PDS5A: variants seen among roughly 807,000 people sequenced by gnomAD.
PDS5A encodes the protein sister chromatid cohesion protein PDS5 homolog A.
PDS5A carries 42 observed loss-of-function variants against 167.1 expected under a neutral mutation model. The observed-to-expected ratio is 0.25, with a 90% CI of 0.20 to 0.33. PDS5A has a LOEUF of 0.33. Ranked by LOEUF, PDS5A falls within the 10% of genes least tolerant of loss-of-function variation. The pLI, the probability that PDS5A is intolerant of heterozygous loss-of-function variation, is 1.00. For missense variants in PDS5A, 1,033 were observed against 1,605.9 expected (o/e 0.64, Z 6.10); for synonymous variants, 553 against 554.6 (o/e 1.00, Z 0.04).
chr4:39,833,690 G>A (rs1298049858), intron 32 of PDS5A, among the ~76,000 whole-genome samples: 2 of 152,056 alleles, frequency 1.3e-5, no homozygotes, highest in East Asian at 1.9e-4. Context: ...ATGACCAGCT[G>A]GATAAATTGT....
chr4:39,973,188 G>C, intron 2 of PDS5A: 1 of 1,024,904 alleles, frequency 9.8e-7, no homozygotes, highest in South Asian at 1.3e-5. Context: ...CTTTAGCTTG[G>C]TGGGCTTGTA....
chr4:39,872,605 C>T (rs573543376), intron 21 of PDS5A, among the ~76,000 whole-genome samples: 2 of 152,206 alleles, frequency 1.3e-5, no homozygotes, highest in East Asian at 3.9e-4. Context: ...GAGCCGAGAT[C>T]GTGCCACTGC....
Position 39,976,447 on chromosome 4 carries a change from C to G in PDS5A, c.131G>C (p.Arg44Pro). ...ATCCGTCCAGACACTTACCTTCAGG[C>G]GTTTGATCATCTCGTCCGTGGTGAT... ...DKITTDEMIK[R>P]LKMVVKTFMD... Residue 44 changes from arginine to proline, a missense_variant, in exon 2 of 33, where the codon CGC becomes CCC. This residue lies in a region of PDS5A where 388 missense variants were observed against 615.1 expected (regional missense o/e 0.63). Transcript: ENST00000303538. 6.2e-7 allele frequency: 1 copy of G among 1,612,344 alleles called. No homozygotes were observed. The highest frequency in any genetic ancestry group is 8.5e-7 in the Non-Finnish European group (1 of 1,178,662).
chr4:39,942,590 C>T (rs1727326752), intron 2 of PDS5A, among the ~76,000 whole-genome samples: 1 of 152,098 alleles, frequency 6.6e-6, no homozygotes, highest in Non-Finnish European at 1.5e-5. Context: ...CCACACTCAC[C>T]TAATTTTCGT....
intron 31 of PDS5A, among the ~76,000 whole-genome samples, chr4:39,839,676 G>A (rs1716767543): frequency 7.1e-6 from 1 of 141,704 alleles, no homozygotes; most frequent in Non-Finnish European, 1.5e-5. Flanking sequence ...GTACCCAAGG[G>A]TAATATCTAA....
Position 39,854,195 on chromosome 4 carries a change from C to T in PDS5A, c.3087-4543G>A, listed in dbSNP as rs149486974. Among the ~76,000 whole-genome samples, 120 of 152,200 alleles carry T rather than the reference C, an allele frequency of 7.9e-4. No individual in the cohort carries two copies. The East Asian group carries it at 0.018, about 23-fold the overall frequency. On this transcript the variant is annotated intron_variant, in intron 26 of 32. Transcript: ENST00000303538. ...GTGCATGCCTGTAGTCCCAGCTACT[C>T]GGGATGCTAAGGCAGGAGAATCACT... is the stretch of plus-strand genomic sequence containing the variant.
chr4:39,905,574 AC>A (rs1259957651), intron 11 of PDS5A, among the ~76,000 whole-genome samples: 1 of 152,074 alleles, frequency 6.6e-6, no homozygotes, highest in Non-Finnish European at 1.5e-5. Flanking sequence ...AAAACAAAAA[AC>A]AAAAAACTGA....
At chr4:39,938,163 A>AC (rs1203437698) in intron 2 of PDS5A, among the ~76,000 whole-genome samples, 1 of 152,130 alleles carries the variant, frequency 6.6e-6, no homozygotes, top group African/African-American at 2.4e-5. Flanking sequence ...ATGTTATCTG[A>AC]CCACTTGGCA....
intron 21 of PDS5A, among the ~76,000 whole-genome samples, chr4:39,870,449 T>G (rs551625327): frequency 3.1e-4 from 47 of 152,018 alleles, no homozygotes; most frequent in Non-Finnish European, 5.6e-4. Context: ...TAGCCAGGCA[T>G]GGTGGCGTGT....
At chr4:39,861,252 A>C (rs1718968490) in intron 26 of PDS5A, among the ~76,000 whole-genome samples, 1 of 151,912 alleles carries the variant, frequency 6.6e-6, no homozygotes, top group Admixed American at 6.6e-5. Context: ...CAAGGTCAGG[A>C]GAGCAGCCTG....
intron 30 of PDS5A, among the ~76,000 whole-genome samples, chr4:39,844,335 C>T (rs894039799): frequency 2.0e-5 from 3 of 151,490 alleles, no homozygotes; most frequent in South Asian, 2.1e-4. Context: ...ATTAGCGGGG[C>T]GTGGTGGCAG....
chr4:39,914,287 G>A (rs1724158624), intron 8 of PDS5A, among the ~76,000 whole-genome samples: 1 of 150,224 alleles, frequency 6.7e-6, no homozygotes, highest in Non-Finnish European at 1.5e-5. Flanking sequence ...TCAGCCTCTC[G>A]AGTAGCTGGG....
intron 22 of PDS5A, among the ~76,000 whole-genome samples, chr4:39,867,199 A>G (rs554616799): frequency 6.6e-6 from 1 of 152,270 alleles, no homozygotes; most frequent in East Asian, 1.9e-4. Flanking sequence ...TTAGATCTGT[A>G]AATGTATTAA....
At chr4:39,829,445 T>C (rs1315635513) in intron 32 of PDS5A, among the ~76,000 whole-genome samples, 3 of 151,640 alleles carry the variant, frequency 2.0e-5, no homozygotes, top group Non-Finnish European at 4.4e-5. Context: ...GGTCAGGAGA[T>C]CAGGACCAGC....
intron 17 of PDS5A, among the ~76,000 whole-genome samples, chr4:39,883,132 A>G (rs1196509143): frequency 2.0e-5 from 3 of 151,870 alleles, no homozygotes; most frequent in Admixed American, 1.3e-4. Flanking sequence ...CCTCATACCT[A>G]TATTCCCCTT....
intron 7 of PDS5A, among the ~76,000 whole-genome samples, chr4:39,919,779 C>T (rs1724750728): frequency 6.6e-6 from 1 of 151,242 alleles, no homozygotes; most frequent in African/African-American, 2.4e-5. Context: ...TTAGGAAAAA[C>T]AAACCCAGAA....
intron 11 of PDS5A, among the ~76,000 whole-genome samples, chr4:39,906,769 G>A (rs1235196786): frequency 2.0e-5 from 3 of 151,598 alleles, no homozygotes; most frequent in East Asian, 1.9e-4. Flanking sequence ...AGGGGTGGGT[G>A]GGAGTATATT....
rs142337935 is a variant in PDS5A at position 39,850,755 on chromosome 4, T to C, written c.3087-1103A>G. Among the ~76,000 whole-genome samples, 647 of 152,328 alleles carry C rather than the reference T, an allele frequency of 4.2e-3. 4 individuals are homozygous for C. Among genetic ancestry groups the C allele is most frequent in the African/African-American group, 0.015 (626 of 41,578 alleles). On this transcript the variant is annotated intron_variant, in intron 26 of 32. Transcript: ENST00000303538. ...TGTCACTGTATATTCATTTAACACATTGTGTCTGAAGGGAACATTTGAATT... is the reference window on the plus strand; with the variant it reads ...TGTCACTGTATATTCATTTAACACACTGTGTCTGAAGGGAACATTTGAATT...
At chr4:39,872,790 G>C (rs1720162130) in intron 21 of PDS5A, 196 bp downstream of exon 21, 1 of 361,108 alleles carries the variant, frequency 2.8e-6, no homozygotes, top group Admixed American at 4.6e-5. Flanking sequence ...TGTTTCTTAA[G>C]TGTGAAATTC....
Sources: allele counts gnomAD v4.1 joint callset (sites outside exome capture counted in the v4.1 genomes callset), GRCh38; gene constraint gnomAD v4.1.1; regional missense constraint gnomAD v4.1.1; transcripts MANE v1.5; gene names NCBI Gene and HGNC (gene_info 2026-07-23, HGNC 2026-07-21).